The following GSG1L variants were observed in gnomAD, a reference collection of about 807,000 sequenced individuals.
The protein encoded by GSG1L is GSG1 like, also known as germ cell-specific gene 1-like protein.
A neutral mutation model predicts 42.1 loss-of-function variants in GSG1L; 24 were observed. That is an observed-to-expected ratio of 0.57 (90% CI 0.41 to 0.80). The LOEUF (loss-of-function observed/expected upper bound fraction) is 0.80. GSG1L is among the 30% of genes least tolerant of loss of function. GSG1L has a pLI of 0.00. For synonymous variants in GSG1L, 215 were observed against 203.5 expected (o/e 1.06, Z -0.48); for missense variants, 445 against 472.2 (o/e 0.94, Z 0.53).
intron 1 of GSG1L, among the ~76,000 whole-genome samples, chr16:28,037,095 C>T (rs754670024): frequency 9.2e-5 from 14 of 151,588 alleles, no homozygotes; most frequent in Non-Finnish European, 1.8e-4. Context: ...GGTGTGATCT[C>T]GGCTCACTGC....
At chr16:28,013,258 CAT>C (rs897789431) in intron 1 of GSG1L, among the ~76,000 whole-genome samples, 2 of 151,314 alleles carry the variant, frequency 1.3e-5, no homozygotes, top group East Asian at 1.9e-4. Flanking sequence ...ATATAATACA[CAT>C]GTGGATAATG....
chr16:27,968,143 A>G (rs2085155496), intron 1 of GSG1L, among the ~76,000 whole-genome samples: 1 of 152,104 alleles, frequency 6.6e-6, no homozygotes, highest in Admixed American at 6.5e-5. Flanking sequence ...CTATTTTACA[A>G]CCACATTGGC....
At chr16:27,957,666 C>T (rs1372917723) in intron 2 of GSG1L, among the ~76,000 whole-genome samples, 2 of 152,202 alleles carry the variant, frequency 1.3e-5, no homozygotes, top group Non-Finnish European at 2.9e-5. Flanking sequence ...TGCAGTTCAG[C>T]TAGACAGCCT....
intron 1 of GSG1L, among the ~76,000 whole-genome samples, chr16:28,041,756 C>T (rs921188096): frequency 6.6e-6 from 1 of 152,228 alleles, no homozygotes; most frequent in African/African-American, 2.4e-5. Flanking sequence ...TTCTTCCTCT[C>T]ATAGCACCAG....
At chr16:27,865,523 C>CTATATATA (rs1172385916) in intron 3 of GSG1L, among the ~76,000 whole-genome samples, 43 of 58,222 alleles carry the variant, frequency 7.4e-4, no homozygotes, top group Admixed American at 1.5e-3. Flanking sequence ...CTCTCTCTTT[C>CTATATATA]TATATATATA....
intron 1 of GSG1L, among the ~76,000 whole-genome samples, chr16:27,977,763 T>C (rs902615166): frequency 6.6e-6 from 1 of 152,094 alleles, no homozygotes; most frequent in African/African-American, 2.4e-5. Flanking sequence ...AAGGCCAGTC[T>C]TGTCACCTCT....
At position 28,042,824 on chromosome 16, in the gene GSG1L, C is replaced by T. The variant is rs141810448; in HGVS notation, c.349+20252G>A. On this transcript the variant is annotated intron_variant, in intron 1 of 6. Coordinates refer to ENST00000447459, the MANE Select transcript of GSG1L (RefSeq NM_001109763.2). Reference sequence around the variant, plus strand: ...CCCTAAGAAAATATAAACTCTATCACGAAGACTTGGCAGATCGGAAGATCA... The same window carrying T: ...CCCTAAGAAAATATAAACTCTATCATGAAGACTTGGCAGATCGGAAGATCA... Among the ~76,000 whole-genome samples, 19 of 152,254 alleles carry T rather than the reference C, an allele frequency of 1.2e-4. No individual in the cohort carries two copies. In the East Asian group the frequency reaches 3.1e-3, roughly 25 times the overall value.
At chr16:27,996,085 C>T (rs1037241584) in intron 1 of GSG1L, among the ~76,000 whole-genome samples, 1 of 151,988 alleles carries the variant, frequency 6.6e-6, no homozygotes, top group Non-Finnish European at 1.5e-5. Context: ...TCACCCATAC[C>T]AACCCAGTCC....
intron 2 of GSG1L, among the ~76,000 whole-genome samples, chr16:27,916,807 G>T (rs2084461870): frequency 6.6e-6 from 1 of 152,106 alleles, no homozygotes; most frequent in South Asian, 2.1e-4. Context: ...CTTAGGACAC[G>T]ATGTGATACA....
chr16:27,963,090 AC>A (rs1415720992), intron 2 of GSG1L, 65 bp downstream of exon 2: 1 of 1,396,478 alleles, frequency 7.2e-7, no homozygotes, highest in Admixed American at 1.7e-5. Flanking sequence ...TTGGGGAGCC[AC>A]CAAGGTAGGA....
At chr16:27,791,712 A>T (rs943285791) in intron 6 of GSG1L, among the ~76,000 whole-genome samples, 88 of 151,800 alleles carry the variant, frequency 5.8e-4, no homozygotes, top group Non-Finnish European at 1.1e-3. Flanking sequence ...ATCTGCCAAT[A>T]TTTGCTGCCA....
At chr16:27,899,439 G>A (rs918395882) in intron 2 of GSG1L, among the ~76,000 whole-genome samples, 2 of 152,204 alleles carry the variant, frequency 1.3e-5, no homozygotes, top group African/African-American at 4.8e-5. Context: ...ATCACTGGCT[G>A]GGCACAGTGG....
chr16:27,925,414 G>A (rs940822672), intron 2 of GSG1L, among the ~76,000 whole-genome samples: 1 of 152,148 alleles, frequency 6.6e-6, no homozygotes, highest in African/African-American at 2.4e-5. Context: ...GGTGGAAGGC[G>A]AGGCTAGGTT....
intron 2 of GSG1L, among the ~76,000 whole-genome samples, chr16:27,954,170 A>G (rs746247432): frequency 3.9e-5 from 6 of 152,210 alleles, no homozygotes; most frequent in Non-Finnish European, 8.8e-5. Context: ...GGGATTGAAC[A>G]TGGGGCTGAA....
intron 2 of GSG1L, among the ~76,000 whole-genome samples, chr16:27,930,717 A>C (rs1489562127): frequency 6.6e-6 from 1 of 152,140 alleles, no homozygotes; most frequent in East Asian, 1.9e-4. Context: ...GTCATTCACA[A>C]ATGCTCTTTT....
At chr16:27,828,019 G>A (rs986324663) in intron 5 of GSG1L, among the ~76,000 whole-genome samples, 5 of 128,978 alleles carry the variant, frequency 3.9e-5, no homozygotes, top group Admixed American at 7.9e-5. Context: ...TTGTCCATCC[G>A]TCCACCTACC....
intron 2 of GSG1L, among the ~76,000 whole-genome samples, chr16:27,948,864 C>T (rs888492059): frequency 6.7e-6 from 1 of 150,104 alleles, no homozygotes; most frequent in Non-Finnish European, 1.5e-5. Flanking sequence ...CTGCCTCGGC[C>T]TCCCAAAGTG....
At position 28,046,485 on chromosome 16, in the gene GSG1L, C is replaced by G. The variant is rs1001240202; in HGVS notation, c.349+16591G>C. On this transcript the variant is annotated intron_variant, in intron 1 of 6. Coordinates refer to ENST00000447459, the MANE Select transcript of GSG1L (RefSeq NM_001109763.2). ...TCTCCTGCCTCAGCCTCCCGAATAG[C>G]TCGGACGACAGGCGCCCGCCACCAT... 2.6e-5 allele frequency among the ~76,000 whole-genome samples: 4 copies of G among 151,878 alleles called. No homozygotes were observed. In the East Asian group the frequency reaches 7.8e-4, roughly 29 times the overall value.
Position 27,884,438 on chromosome 16 carries a change from C to T in GSG1L, c.550+48G>A, listed in dbSNP as rs1158681717. 1.3e-6 allele frequency: 2 copies of T among 1,564,530 alleles called. No homozygotes were observed. Among genetic ancestry groups the T allele is most frequent in the Admixed American group, 1.8e-5 (1 of 56,448 alleles). Reference sequence around the variant, plus strand: ...CCAGGGCTTACTCCAAGGGCAGCACCCTTTCTCGCCTGTGCTCTGAGAGGC... The same window carrying T: ...CCAGGGCTTACTCCAAGGGCAGCACTCTTTCTCGCCTGTGCTCTGAGAGGC... On this transcript the variant is annotated intron_variant, in intron 3 of 6. Coordinates refer to ENST00000447459, the MANE Select transcript of GSG1L (RefSeq NM_001109763.2). The surrounding 1 kb of genome is among the most constrained non-coding windows in gnomAD (Gnocchi z 4.4).
Sources: allele counts gnomAD v4.1 joint callset (sites outside exome capture counted in the v4.1 genomes callset), GRCh38; gene constraint gnomAD v4.1.1; non-coding constraint Gnocchi (gnomAD v3.1); transcripts MANE v1.5; gene names NCBI Gene and HGNC (gene_info 2026-07-23, HGNC 2026-07-21).